NRXN1: variants seen among roughly 807,000 people sequenced by gnomAD.
NRXN1 encodes the protein neurexin-1.
In NRXN1, 39 loss-of-function variants were observed where a neutral mutation model predicts 150.9. The observed-to-expected ratio is 0.26, with a 90% CI of 0.20 to 0.34. The LOEUF (loss-of-function observed/expected upper bound fraction) is 0.34, where lower values mean the gene tolerates loss of function less well. Ranked by LOEUF, NRXN1 falls within the 10% of genes least tolerant of loss-of-function variation. The pLI is 1.00. For missense variants in NRXN1, 1,815 were observed against 1,949.9 expected, an observed-to-expected ratio of 0.93 and a Z score of 1.30; for synonymous variants, 924 against 757.0, an observed-to-expected ratio of 1.22 and a Z score of -3.62.
At chr2:50,216,266 G>C (rs1052972384) in intron 18 of NRXN1, among the ~76,000 whole-genome samples, 2 of 151,844 alleles carry the variant, frequency 1.3e-5, no homozygotes, top group African/African-American at 4.8e-5. Flanking sequence ...TGTCAAATGA[G>C]TTAATTATCT....
At chr2:50,781,505 A>T (rs1704343784) in intron 5 of NRXN1, among the ~76,000 whole-genome samples, 1 of 152,208 alleles carries the variant, frequency 6.6e-6, no homozygotes, top group African/African-American at 2.4e-5. Flanking sequence ...GGAAGGAAGG[A>T]GAGTGATTCA....
At chr2:50,953,588 G>A (rs529541942) in intron 2 of NRXN1, among the ~76,000 whole-genome samples, 6 of 144,338 alleles carry the variant, frequency 4.2e-5, no homozygotes, top group African/African-American at 1.0e-4. Context: ...ATGAAGTCTC[G>A]CTTTGTCACC....
At chr2:50,995,589 A>T (rs1476699986) in intron 2 of NRXN1, among the ~76,000 whole-genome samples, 1 of 141,428 alleles carries the variant, frequency 7.1e-6, no homozygotes, top group Non-Finnish European at 1.5e-5. Context: ...TGGGTGACAG[A>T]GCTAGACTCT....
chr2:50,518,757 A>C (rs994619581), intron 12 of NRXN1, among the ~76,000 whole-genome samples: 3 of 151,810 alleles, frequency 2.0e-5, no homozygotes, highest in African/African-American at 7.2e-5. Context: ...ATAATTCAAG[A>C]TCAATGAATT....
Position 50,324,011 on chromosome 2 carries a change from A to G in NRXN1, c.3365-87041T>C, listed in dbSNP as rs1335476347. ...GAATCACAGAAAGAGCTGGAAAACT[A>G]CGTAAACATATAAAGCTGGCCCGAG... On this transcript the variant is annotated intron_variant, in intron 17 of 22. Transcript: ENST00000401669. Among the ~76,000 whole-genome samples the G allele has an allele frequency of 2.0e-5, 3 of 152,240 alleles. No individual in the cohort carries two copies. In the South Asian group the frequency reaches 6.2e-4, roughly 31 times the overall value.
At chr2:50,179,512 C>T (rs2060566189) in intron 18 of NRXN1, among the ~76,000 whole-genome samples, 1 of 152,050 alleles carries the variant, frequency 6.6e-6, no homozygotes, top group Admixed American at 6.6e-5. Flanking sequence ...TTTCCCCATC[C>T]CTTCTCTAAA....
At chr2:50,535,971 C>T (rs2093248433) in intron 10 of NRXN1, among the ~76,000 whole-genome samples, 1 of 152,080 alleles carries the variant, frequency 6.6e-6, no homozygotes, top group South Asian at 2.1e-4. Context: ...AAAGAAACTT[C>T]AAGAGTTGTC....
chr2:50,386,751 G>C lies in NRXN1; in HGVS notation c.3364+78691C>G, dbSNP rs966475239. Among the ~76,000 whole-genome samples, 7 of 152,222 alleles carry C rather than the reference G, an allele frequency of 4.6e-5. No homozygotes were observed. In the South Asian group the frequency reaches 1.0e-3, roughly 23 times the overall value. The stretch of plus-strand genomic sequence containing the variant: ...CATATACTTCCCAAGAATGAAGTGT[G>C]ATCTGTGTAGTGAGAATACTGGGCT... On this transcript the variant is annotated intron_variant, in intron 17 of 22. Transcript: ENST00000401669.
intron 18 of NRXN1, among the ~76,000 whole-genome samples, chr2:50,213,709 G>A (rs1469201845): frequency 8.8e-6 from 1 of 113,872 alleles, no homozygotes; most frequent in Non-Finnish European, 1.9e-5. Context: ...GTGGTTCAAA[G>A]AATCTTGTTT....
chr2:51,030,422 A>G (rs1352902907), intron 1 of NRXN1, among the ~76,000 whole-genome samples: 1 of 151,958 alleles, frequency 6.6e-6, no homozygotes, highest in African/African-American at 2.4e-5. Flanking sequence ...AGCTGAGAGC[A>G]TTTCTCTTCA....
At chr2:50,210,878 A>G (rs1242664527) in intron 18 of NRXN1, among the ~76,000 whole-genome samples, 7 of 151,618 alleles carry the variant, frequency 4.6e-5, no homozygotes, top group Non-Finnish European at 1.0e-4. Flanking sequence ...AAAAAATAAA[A>G]TTACTTTCAC....
intron 18 of NRXN1, among the ~76,000 whole-genome samples, chr2:50,171,660 T>C (rs763355048): frequency 5.3e-5 from 8 of 152,060 alleles, no homozygotes; most frequent in Non-Finnish European, 1.0e-4. Context: ...AAAAATAAAT[T>C]GAATAACTTA....
chr2:50,858,575 T>TA (rs35706466), intron 5 of NRXN1, among the ~76,000 whole-genome samples: 20 of 150,346 alleles, frequency 1.3e-4, no homozygotes, highest in Middle Eastern at 3.4e-3. Context: ...AAAGGCTACT[T>TA]AAAAAAAAAA....
At chr2:50,249,568 T>A (rs986986617) in intron 17 of NRXN1, among the ~76,000 whole-genome samples, 1 of 151,990 alleles carries the variant, frequency 6.6e-6, no homozygotes, top group African/African-American at 2.4e-5. Flanking sequence ...GATAAAAAGG[T>A]GTGACATAGC....
Position 50,416,287 on chromosome 2 carries a change from A to G in NRXN1, c.3364+49155T>C, listed in dbSNP as rs188798835. Reference sequence around the variant, plus strand: ...CACTGAGCAAATAAAATATACCAAGAAAGGAGACAGGAGGAAGGCAGGAAA... The same window carrying G: ...CACTGAGCAAATAAAATATACCAAGGAAGGAGACAGGAGGAAGGCAGGAAA... On this transcript the variant is annotated intron_variant, in intron 17 of 22. Coordinates refer to ENST00000401669, the MANE Select transcript of NRXN1 (RefSeq NM_001330078.2). 6.9e-3 allele frequency among the ~76,000 whole-genome samples: 1,053 copies of G among 152,170 alleles called. 42 individuals are homozygous for G. The South Asian group carries it at 0.11, about 16-fold the overall frequency.
chr2:50,045,387 AGCTGGAGTGCAGTG>A (rs1457725767), intron 21 of NRXN1, among the ~76,000 whole-genome samples: 1 of 152,092 alleles, frequency 6.6e-6, no homozygotes, highest in Non-Finnish European at 1.5e-5. Context: ...CTGTTGCCCA[AGCTGGAGTGCAGTG>A]GCATGATCTT....
intron 5 of NRXN1, among the ~76,000 whole-genome samples, chr2:50,840,841 G>T (rs887336975): frequency 6.6e-6 from 1 of 152,118 alleles, no homozygotes; most frequent in East Asian, 1.9e-4. Flanking sequence ...GAAACATCAC[G>T]TGTTTGTCAG....
intron 5 of NRXN1, among the ~76,000 whole-genome samples, chr2:50,838,792 G>A (rs1280323479): frequency 6.6e-6 from 1 of 152,088 alleles, no homozygotes; most frequent in Non-Finnish European, 1.5e-5. Context: ...AGGGAGCACT[G>A]CCCTGTCAGT....
chr2:50,840,542 G>C (rs1035759415), intron 5 of NRXN1, among the ~76,000 whole-genome samples: 4 of 152,076 alleles, frequency 2.6e-5, no homozygotes, highest in Non-Finnish European at 4.4e-5. Context: ...GTCTCGGCTT[G>C]CCTGACAGAC....
Sources: allele counts gnomAD v4.1 joint callset (sites outside exome capture counted in the v4.1 genomes callset), GRCh38; gene constraint gnomAD v4.1.1; transcripts MANE v1.5; gene names NCBI Gene and HGNC (gene_info 2026-07-23, HGNC 2026-07-21).